Variants in SYNDIG1 observed in about 807,000 individuals in gnomAD.
SYNDIG1 encodes synapse differentiation inducing 1, also known as synapse differentiation-inducing gene protein 1.
A neutral mutation model predicts 19.4 loss-of-function variants in SYNDIG1; 9 were observed. The observed-to-expected ratio is 0.46, with a 90% confidence interval of 0.28 to 0.81. The LOEUF (loss-of-function observed/expected upper bound fraction) is 0.81. Among genes scored for constraint, SYNDIG1 ranks in the 30% least tolerant of loss-of-function variants. The pLI is 0.12. For synonymous variants in SYNDIG1, 141 were observed against 145.9 expected (o/e 0.97, Z 0.24); for missense variants, 311 against 343.3 (o/e 0.91, Z 0.74).
chr20:24,542,715 C>T (rs899755976), intron 1 of SYNDIG1, among the ~76,000 whole-genome samples: 9 of 152,128 alleles, frequency 5.9e-5, no homozygotes, highest in Non-Finnish European at 1.0e-4. Context: ...CTGTGGGTTT[C>T]AGGATGTCTG....
intron 2 of SYNDIG1, among the ~76,000 whole-genome samples, chr20:24,570,594 C>T (rs997108367): frequency 4.6e-5 from 7 of 152,110 alleles, no homozygotes; most frequent in Non-Finnish European, 8.8e-5. Flanking sequence ...AGACTAAAAC[C>T]ATGATTATAT....
chr20:24,659,887 A>T (rs1278042163), intron 3 of SYNDIG1, among the ~76,000 whole-genome samples: 1 of 152,174 alleles, frequency 6.6e-6, no homozygotes, highest in African/African-American at 2.4e-5. Context: ...TTATCTGTTC[A>T]TTTAATTATT....
rs1320232967 is a variant in SYNDIG1, at chr20:24,658,486, A to G, written c.619-6860A>G. On this transcript the variant is annotated intron_variant, in intron 3 of 3. Coordinates refer to ENST00000376862, the MANE Select transcript of SYNDIG1 (RefSeq NM_024893.3). The surrounding 1 kb of genome is among the most constrained non-coding windows in gnomAD (Gnocchi z 4.4). ...GCTCTGGCCGTACCCTGGGGGGTGA[A>G]AGCCCTTCCCCAGTGACCTGCAGGT... 6.6e-6 allele frequency among the ~76,000 whole-genome samples: 1 copy of G among 151,890 alleles called. No homozygotes were observed. Among genetic ancestry groups the G allele is most frequent in the East Asian group, 1.9e-4 (1 of 5,152 alleles).
chr20:24,567,696 G>A (rs2146922064), intron 2 of SYNDIG1, among the ~76,000 whole-genome samples: 1 of 152,320 alleles, frequency 6.6e-6, no homozygotes, highest in East Asian at 1.9e-4. Flanking sequence ...CCCACCTGGT[G>A]GCATCTGCCT....
At chr20:24,473,052 AG>A (rs2055515588) in intron 1 of SYNDIG1, among the ~76,000 whole-genome samples, 1 of 152,210 alleles carries the variant, frequency 6.6e-6, no homozygotes, top group Non-Finnish European at 1.5e-5. Context: ...TGGAAAATGC[AG>A]GCTCCATCTC....
intron 1 of SYNDIG1, among the ~76,000 whole-genome samples, chr20:24,488,985 C>CTGTGGCTGAG (rs1425255303): frequency 1.3e-5 from 2 of 152,176 alleles, no homozygotes; most frequent in Non-Finnish European, 2.9e-5. Context: ...TCATCATTTC[C>CTGTGGCTGAG]CCACTGTGGC....
chr20:24,594,002 C>T (rs1210503049), intron 3 of SYNDIG1, among the ~76,000 whole-genome samples: 1 of 152,038 alleles, frequency 6.6e-6, no homozygotes, highest in Non-Finnish European at 1.5e-5. Context: ...TTCTGTGGAA[C>T]ATTTCTTTTG....
intron 1 of SYNDIG1, among the ~76,000 whole-genome samples, chr20:24,530,851 C>G (rs184584399): frequency 6.6e-6 from 1 of 151,604 alleles, no homozygotes; most frequent in Admixed American, 6.6e-5. Context: ...TTCTGTCGCC[C>G]AGGCTGGAGA....
At chr20:24,476,033 C>A (rs896321064) in intron 1 of SYNDIG1, among the ~76,000 whole-genome samples, 1 of 151,880 alleles carries the variant, frequency 6.6e-6, no homozygotes, top group Non-Finnish European at 1.5e-5. Flanking sequence ...GCTAATTTTT[C>A]TATTTTTAGT....
intron 1 of SYNDIG1, among the ~76,000 whole-genome samples, chr20:24,477,314 C>T (rs117154520): frequency 2.2e-3 from 335 of 151,866 alleles, no homozygotes; most frequent in East Asian, 0.012. Flanking sequence ...GGCCATAGCC[C>T]GTCCTCAAAC....
chr20:24,543,409 C>T lies in SYNDIG1; in HGVS notation c.312C>T (p.Asp104=), dbSNP rs554961572. The T allele has an allele frequency of 4.0e-5, 64 of 1,613,644 alleles. No individual in the cohort carries two copies. Among genetic ancestry groups the T allele is most frequent in the South Asian group, 2.4e-4 (22 of 91,080 alleles). The change falls in exon 2 of 4, where the codon GAC becomes GAT. Residue 104 remains aspartate (D), a synonymous_variant. Coordinates refer to ENST00000376862, the MANE Select transcript of SYNDIG1 (RefSeq NM_024893.3). Reference sequence around the variant, plus strand: ...AGGGCGTGCTGCGCTCCTGGGGGGACGGTGTGGCCGCCGACTGCTGCGAGA... The same window carrying T: ...AGGGCGTGCTGCGCTCCTGGGGGGATGGTGTGGCCGCCGACTGCTGCGAGA... ...YSEGVLRSWG[D]GVAADCCETT...
chr20:24,577,176 G>A (rs2058242977), intron 2 of SYNDIG1, among the ~76,000 whole-genome samples: 1 of 152,230 alleles, frequency 6.6e-6, no homozygotes, highest in Non-Finnish European at 1.5e-5. Context: ...ATACAGCTGT[G>A]TATGTGTGAG....
At chr20:24,487,544 C>G (rs139540978) in intron 1 of SYNDIG1, among the ~76,000 whole-genome samples, 2 of 152,266 alleles carry the variant, frequency 1.3e-5, no homozygotes, top group East Asian at 3.9e-4. Flanking sequence ...TGCAAAGGGT[C>G]CAGCGCACTT....
intron 1 of SYNDIG1, among the ~76,000 whole-genome samples, chr20:24,499,802 A>C (rs935350274): frequency 1.3e-5 from 2 of 152,228 alleles, no homozygotes; most frequent in Non-Finnish European, 2.9e-5. Flanking sequence ...CCATCATGTA[A>C]AAATTCTATA....
At chr20:24,514,518 G>A (rs1255107853) in intron 1 of SYNDIG1, among the ~76,000 whole-genome samples, 1 of 152,118 alleles carries the variant, frequency 6.6e-6, no homozygotes. Context: ...AAAATCAAAA[G>A]AGACAAAGAA....
intron 1 of SYNDIG1, among the ~76,000 whole-genome samples, chr20:24,538,772 C>CT (rs139717092): frequency 1.9e-5 from 2 of 104,194 alleles, no homozygotes. Context: ...TGTTATTTTC[C>CT]GTTTTTTTTT....
chr20:24,521,292 C>G (rs2056997687), intron 1 of SYNDIG1, among the ~76,000 whole-genome samples: 1 of 152,208 alleles, frequency 6.6e-6, no homozygotes, highest in Admixed American at 6.5e-5. Flanking sequence ...GTCCCCAAAT[C>G]TGTGTTGGAG....
intron 2 of SYNDIG1, among the ~76,000 whole-genome samples, chr20:24,582,929 T>A (rs995960555): frequency 6.6e-6 from 1 of 152,174 alleles, no homozygotes; most frequent in Non-Finnish European, 1.5e-5. Context: ...CTTGCCCTGT[T>A]GGTGGAGTGG....
At chr20:24,581,447 G>T (rs962741981) in intron 2 of SYNDIG1, among the ~76,000 whole-genome samples, 4 of 152,080 alleles carry the variant, frequency 2.6e-5, no homozygotes, top group African/African-American at 4.8e-5. Context: ...TGGAGAAATG[G>T]CCATTCCCCA....
Sources: allele counts gnomAD v4.1 joint callset (sites outside exome capture counted in the v4.1 genomes callset), GRCh38; gene constraint gnomAD v4.1.1; non-coding constraint Gnocchi (gnomAD v3.1); transcripts MANE v1.5; gene names NCBI Gene and HGNC (gene_info 2026-07-23, HGNC 2026-07-21).